Variants in GHR observed in about 807,000 individuals in gnomAD.
The protein encoded by GHR is GH receptor.
In GHR, 35 loss-of-function variants were observed where a neutral mutation model predicts 67.1. That is an observed-to-expected ratio of 0.52 (90% CI 0.40 to 0.69). The LOEUF is 0.69. GHR is among the 30% of genes least tolerant of loss of function. The probability of loss-of-function intolerance (pLI) is 0.00; values close to 1 mark genes in which losing one functional copy is unlikely to be tolerated. For synonymous variants in GHR, 272 were observed against 269.1 expected (o/e 1.01, Z -0.10); for missense variants, 792 against 764.6 (o/e 1.04, Z -0.42).
rs577421451 is a variant in GHR at position 42,532,987 on chromosome 5, A to G, written c.-11-32877A>G. On this transcript the variant is annotated intron_variant, in intron 1 of 9. Transcript: ENST00000230882. Reference sequence around the variant, plus strand: ...CTTGCTGTGTCTTAGGATATGTACAATTGCATGTCTATTAGATATGCCAAA... The same window carrying G: ...CTTGCTGTGTCTTAGGATATGTACAGTTGCATGTCTATTAGATATGCCAAA... Among the ~76,000 whole-genome samples, 6 of 152,272 alleles carry G rather than the reference A, an allele frequency of 3.9e-5. No homozygotes were observed. In the East Asian group the frequency reaches 1.2e-3, roughly 29 times the overall value.
At chr5:42,678,810 A>G (rs1401115360) in intron 3 of GHR, among the ~76,000 whole-genome samples, 1 of 151,982 alleles carries the variant, frequency 6.6e-6, no homozygotes, top group Non-Finnish European at 1.5e-5. Context: ...GGTTGCAAGC[A>G]GCATCATTTA....
chr5:42,566,053 A>T lies in GHR; in HGVS notation c.70+109A>T, dbSNP rs1256373204. On this transcript the variant is annotated intron_variant, in intron 2 of 9. Coordinates refer to ENST00000230882, the MANE Select transcript of GHR (RefSeq NM_000163.5). Reference sequence around the variant, plus strand: ...TTTTATTAAAAGATGCAAGTTTTACATAGCAGCAAAAAGGAAACTTGACTT... The same window carrying T: ...TTTTATTAAAAGATGCAAGTTTTACTTAGCAGCAAAAAGGAAACTTGACTT... 3.1e-6 allele frequency: 4 copies of T among 1,291,890 alleles called. No homozygotes were observed. In the Admixed American group the frequency reaches 6.9e-5, roughly 22 times the overall value. The allele number at this position is 1,291,890 out of a possible 1,614,324, so 80.0% of individuals were successfully genotyped here.
At chr5:42,518,203 C>T (rs542272932) in intron 1 of GHR, among the ~76,000 whole-genome samples, 188 of 149,462 alleles carry the variant, frequency 1.3e-3, no homozygotes, top group African/African-American at 4.2e-3. Context: ...ATTAATAATT[C>T]TGTGTGTGTG....
intron 2 of GHR, among the ~76,000 whole-genome samples, chr5:42,569,264 G>T (rs997177915): frequency 6.6e-6 from 1 of 152,200 alleles, no homozygotes; most frequent in Non-Finnish European, 1.5e-5. Flanking sequence ...TCAATGGATG[G>T]TTCTATTTTA....
intron 1 of GHR, chr5:42,465,881 C>T: frequency 1.4e-6 from 1 of 722,052 alleles, no homozygotes; most frequent in South Asian, 1.6e-5. Context: ...TCCTTCACCC[C>T]TTTCATCAAG....
intron 1 of GHR, among the ~76,000 whole-genome samples, chr5:42,490,349 C>T (rs1029693633): frequency 2.6e-5 from 4 of 152,228 alleles, no homozygotes; most frequent in Non-Finnish European, 5.9e-5. Flanking sequence ...ATAACCCTGG[C>T]ATAGAAATCT....
At chr5:42,486,755 G>A (rs1321947426) in intron 1 of GHR, among the ~76,000 whole-genome samples, 1 of 151,820 alleles carries the variant, frequency 6.6e-6, no homozygotes, top group Non-Finnish European at 1.5e-5. Context: ...GCTGAGGCAG[G>A]AGAATGGTGT....
chr5:42,427,744 T>A (rs922872972), intron 1 of GHR, among the ~76,000 whole-genome samples: 13 of 152,198 alleles, frequency 8.5e-5, no homozygotes, highest in Admixed American at 6.5e-5. Flanking sequence ...AGCAAGTTAG[T>A]TACTTTCTAG....
chr5:42,589,521 A>G (rs1381575503), intron 2 of GHR, among the ~76,000 whole-genome samples: 2 of 152,212 alleles, frequency 1.3e-5, no homozygotes, highest in South Asian at 2.1e-4. Flanking sequence ...GAGATCAGAC[A>G]AAATTTACCT....
At chr5:42,523,588 G>A (rs1433584438) in intron 1 of GHR, among the ~76,000 whole-genome samples, 1 of 152,190 alleles carries the variant, frequency 6.6e-6, no homozygotes, top group East Asian at 1.9e-4. Flanking sequence ...TGTTGTGTGT[G>A]TTCTGACTGC....
chr5:42,580,868 T>A (rs947799033), intron 2 of GHR, among the ~76,000 whole-genome samples: 2 of 152,254 alleles, frequency 1.3e-5, no homozygotes, highest in Non-Finnish European at 2.9e-5. Context: ...TTGAAGTTTA[T>A]GAATTATGTT....
chr5:42,706,081 GCCTTT>G (rs925331230), intron 6 of GHR, among the ~76,000 whole-genome samples: 1 of 151,974 alleles, frequency 6.6e-6, no homozygotes, highest in African/African-American at 2.4e-5. Context: ...TTTGATAATA[GCCTTT>G]CTGACTGCTG....
At chr5:42,583,300 A>C (rs1751288225) in intron 2 of GHR, among the ~76,000 whole-genome samples, 1 of 152,240 alleles carries the variant, frequency 6.6e-6, no homozygotes, top group African/African-American at 2.4e-5. Flanking sequence ...GTCTTCACTT[A>C]GAAATGGAAA....
intron 1 of GHR, among the ~76,000 whole-genome samples, chr5:42,514,574 G>A (rs568123106): frequency 6.6e-5 from 10 of 152,254 alleles, no homozygotes; most frequent in Non-Finnish European, 1.0e-4. Context: ...AATAGATGTG[G>A]ACAATTGGGG....
At chr5:42,659,890 G>A (rs529206376) in intron 3 of GHR, among the ~76,000 whole-genome samples, 147 of 152,232 alleles carry the variant, frequency 9.7e-4, no homozygotes, top group Non-Finnish European at 1.5e-3. Context: ...CTGGAAAATC[G>A]GGTCACTCCC....
chr5:42,576,557 G>A (rs1579976793), intron 2 of GHR, among the ~76,000 whole-genome samples: 1 of 152,276 alleles, frequency 6.6e-6, no homozygotes, highest in East Asian at 1.9e-4. Flanking sequence ...AAACTAAACT[G>A]ACATGTAGAA....
At chr5:42,469,120 A>G (rs987448573) in intron 1 of GHR, among the ~76,000 whole-genome samples, 4 of 152,234 alleles carry the variant, frequency 2.6e-5, no homozygotes, top group Non-Finnish European at 4.4e-5. Flanking sequence ...TTGTTCTGGG[A>G]AAGAGAGACA....
Position 42,677,502 on chromosome 5 carries a change from A to G in GHR, c.137-11388A>G, listed in dbSNP as rs576470251. 9.1e-4 allele frequency among the ~76,000 whole-genome samples: 138 copies of G among 152,258 alleles called. 1 individual carries two copies. The highest frequency in any genetic ancestry group is 3.3e-3 in the African/African-American group (138 of 41,556). ...ATGTAATAATATAGCAACATCTCCT[A>G]GTTATCTAGAACTCAGGCTTTGATA... On this transcript the variant is annotated intron_variant, in intron 3 of 9. Coordinates refer to ENST00000230882, the MANE Select transcript of GHR (RefSeq NM_000163.5).
intron 1 of GHR, among the ~76,000 whole-genome samples, chr5:42,427,404 A>T (rs1742900120): frequency 6.6e-6 from 1 of 152,200 alleles, no homozygotes; most frequent in Non-Finnish European, 1.5e-5. Context: ...GAACCATCAG[A>T]TCTCATTAGA....
Sources: gnomAD v4.1 joint callset for allele counts (sites outside exome capture counted in the v4.1 genomes callset) on GRCh38, gnomAD v4.1.1 for gene constraint, MANE v1.5 for transcripts, NCBI Gene and HGNC (gene_info 2026-07-23, HGNC 2026-07-21) for gene names.